Variants in SENP5 observed in about 807,000 individuals in gnomAD.
The protein encoded by SENP5 is SUMO specific peptidase 5.
Under a neutral mutation model 74.2 loss-of-function variants are expected in SENP5, and 21 were observed. The ratio of observed to expected loss-of-function variants is 0.28; its 90% CI spans 0.20 to 0.41. SENP5 has a LOEUF of 0.41. Ranked by LOEUF, SENP5 falls within the 10% of genes least tolerant of loss-of-function variation. The probability of loss-of-function intolerance (pLI) is 1.00; values close to 1 mark genes in which losing one functional copy is unlikely to be tolerated. For synonymous variants in SENP5, 311 were observed against 312.7 expected, an observed-to-expected ratio of 0.99 and a Z score of 0.06; for missense variants, 717 against 889.1, an observed-to-expected ratio of 0.81 and a Z score of 2.46.
At position 196,886,518 on chromosome 3, in the gene SENP5, G is replaced by C; in HGVS notation, c.1337G>C (p.Gly446Ala). Residue 446 changes from glycine to alanine, a missense_variant, in exon 2 of 10, where the codon GGA becomes GCA. Physicochemically the swap from Gly to Ala is moderately conservative, Grantham distance 60. Around this residue, in one of 4 missense-constraint regions of SENP5, gnomAD observed 567 missense variants for 577.4 expected, o/e 0.98. Coordinates refer to ENST00000323460, the MANE Select transcript of SENP5 (RefSeq NM_152699.5). Reference sequence around the variant, plus strand: ...AACTCATACCAGATGGAGGAGGATGGATCTCTCAAGCAGAGCATTCTTAGT... The same window carrying C: ...AACTCATACCAGATGGAGGAGGATGCATCTCTCAAGCAGAGCATTCTTAGT... Reference protein sequence around the residue: ...NENSYQMEEDGSLKQSILSSE... With the variant: ...NENSYQMEEDASLKQSILSSE... 1 of 1,613,520 alleles carries C rather than the reference G, an allele frequency of 6.2e-7. No homozygotes were observed. The highest frequency in any genetic ancestry group is 8.5e-7 in the Non-Finnish European group (1 of 1,179,820).
intron 4 of SENP5, 63 bp from the exon 5 acceptor site, chr3:196,900,302 G>A (rs1714644219): frequency 1.4e-6 from 2 of 1,465,970 alleles, no homozygotes; most frequent in South Asian, 2.5e-5. Context: ...TATTTATTTT[G>A]TTTTTCTTTC....
At chr3:196,884,115 G>C (rs1713843123) in intron 1 of SENP5, among the ~76,000 whole-genome samples, 1 of 152,196 alleles carries the variant, frequency 6.6e-6, no homozygotes, top group African/African-American at 2.4e-5. Flanking sequence ...TCATACAGCA[G>C]ATTTTTAAAA....
intron 1 of SENP5, among the ~76,000 whole-genome samples, chr3:196,868,396 C>T (rs750677329): frequency 6.6e-5 from 10 of 152,272 alleles, no homozygotes; most frequent in Non-Finnish European, 1.5e-4. Flanking sequence ...TCACAGGCCT[C>T]CAGCTCCGGC....
Position 196,927,908 on chromosome 3 carries a change from G to T in SENP5, c.2106+29G>T, listed in dbSNP as rs186127867. On this transcript the variant is annotated intron_variant, in intron 8 of 9. Transcript: ENST00000323460. ...AGTATGTGATAACAATGAAACCCAGGCATGTCCAGGGGATGGAATTATCTA... is the reference window on the plus strand; with the variant it reads ...AGTATGTGATAACAATGAAACCCAGTCATGTCCAGGGGATGGAATTATCTA... 2.6e-4 allele frequency: 359 copies of T among 1,395,086 alleles called. 3 individuals are homozygous for T. In the African/African-American group the frequency reaches 4.2e-3, roughly 17 times the overall value. 86.4% of individuals were successfully genotyped at this position (1,395,086 alleles called of 1,614,324 possible).
At position 196,885,607 on chromosome 3, in the gene SENP5, C is replaced by A. The variant is rs757117430; in HGVS notation, c.426C>A (p.Asp142Glu). The A allele has an allele frequency of 6.2e-7, 1 of 1,614,212 alleles. No homozygotes were observed. The highest frequency in any genetic ancestry group is 1.1e-5 in the South Asian group (1 of 91,084). The change falls in exon 2 of 10, where the codon GAC (aspartate) becomes GAA (glutamate). Residue 142 changes from aspartate (D) to glutamate (E), a missense_variant. Coordinates refer to ENST00000323460, the MANE Select transcript of SENP5 (RefSeq NM_152699.5). ...AAAATCTCTTGAAGGCAGTTACTGA[C>A]TTTCCATCAAATAGTGCTTTAGGTC... Reference protein sequence around the residue: ...REKNLLKAVTDFPSNSALGQA... With the variant: ...REKNLLKAVTEFPSNSALGQA...
At chr3:196,880,959 T>A (rs1713702122) in intron 1 of SENP5, among the ~76,000 whole-genome samples, 1 of 151,930 alleles carries the variant, frequency 6.6e-6, no homozygotes, top group African/African-American at 2.4e-5. Context: ...TTTTTATTTT[T>A]TTTTTGAGAT....
At chr3:196,900,746 TGGC>T (rs1714666132) in intron 5 of SENP5, among the ~76,000 whole-genome samples, 2 of 151,918 alleles carry the variant, frequency 1.3e-5, no homozygotes, top group Non-Finnish European at 2.9e-5. Context: ...CCACCATGCC[TGGC>T]TAATTTTTGT....
chr3:196,882,317 C>T (rs1713762293), intron 1 of SENP5, among the ~76,000 whole-genome samples: 1 of 152,084 alleles, frequency 6.6e-6, no homozygotes, highest in African/African-American at 2.4e-5. Flanking sequence ...CAACCATCAC[C>T]ACCATTCATC....
chr3:196,896,336 C>A (rs1402907380), intron 2 of SENP5, among the ~76,000 whole-genome samples: 2 of 152,120 alleles, frequency 1.3e-5, no homozygotes, highest in Admixed American at 6.5e-5. Context: ...AGTTAACAGC[C>A]CAGTTTCTGT....
Position 196,880,254 on chromosome 3 carries a change from G to GT in SENP5, c.-31-4890dup, listed in dbSNP as rs200961736. On this transcript the variant is annotated intron_variant, in intron 1 of 9. Coordinates refer to ENST00000323460, the MANE Select transcript of SENP5 (RefSeq NM_152699.5). ...AGCCACTGTGCCCAACCTTACTTCA[G>GT]TTTTTTTAAGGAGACAGAGTCTTGC... 1.3e-4 allele frequency among the ~76,000 whole-genome samples: 19 copies of GT among 151,916 alleles called. No individual in the cohort carries two copies. The East Asian group carries it at 3.1e-3, about 25-fold the overall frequency.
intron 5 of SENP5, among the ~76,000 whole-genome samples, chr3:196,903,290 C>G (rs527738604): frequency 2.6e-5 from 4 of 152,112 alleles, no homozygotes; most frequent in Non-Finnish European, 5.9e-5. Flanking sequence ...CAGATGGGTG[C>G]CACCACGCCC....
At chr3:196,915,943 C>G (rs981674208) in intron 6 of SENP5, among the ~76,000 whole-genome samples, 3 of 152,096 alleles carry the variant, frequency 2.0e-5, no homozygotes, top group African/African-American at 7.2e-5. Context: ...TCAAGAAGGA[C>G]AGATAAAAAC....
intron 6 of SENP5, among the ~76,000 whole-genome samples, chr3:196,910,828 C>T (rs1236941466): frequency 6.6e-6 from 1 of 152,136 alleles, no homozygotes. Flanking sequence ...AACTATACTA[C>T]AAGGCTACAG....
rs150086635 is a variant in SENP5 at position 196,900,567 on chromosome 3, G to A, written c.1806+155G>A. Among the ~76,000 whole-genome samples, 30 of 152,148 alleles carry A rather than the reference G, an allele frequency of 2.0e-4. No homozygotes were observed. The East Asian group carries it at 5.0e-3, about 25-fold the overall frequency. On this transcript the variant is annotated intron_variant, in intron 5 of 9. Coordinates refer to ENST00000323460, the MANE Select transcript of SENP5 (RefSeq NM_152699.5). ...TCTTGATCATGTACTGGGCTTGATC[G>A]TAAGTTCCATCAAATCACTTCTTTT...
At chr3:196,891,614 A>G (rs1239108227) in intron 2 of SENP5, among the ~76,000 whole-genome samples, 1 of 152,196 alleles carries the variant, frequency 6.6e-6, no homozygotes, top group Non-Finnish European at 1.5e-5. Flanking sequence ...GGATGTATAT[A>G]GATTTAGCGA....
intron 2 of SENP5, among the ~76,000 whole-genome samples, chr3:196,889,986 C>T (rs1415708890): frequency 1.3e-5 from 2 of 152,206 alleles, no homozygotes; most frequent in Admixed American, 1.3e-4. Context: ...GGACAAGAGA[C>T]AGGATACTCA....
intron 1 of SENP5, among the ~76,000 whole-genome samples, chr3:196,875,966 C>CAT (rs1308051592): frequency 2.6e-5 from 4 of 152,162 alleles, no homozygotes; most frequent in African/African-American, 9.7e-5. Flanking sequence ...TCAAGCGATA[C>CAT]TCCACCTCTG....
intron 5 of SENP5, among the ~76,000 whole-genome samples, chr3:196,902,866 T>C (rs1714754479): frequency 6.6e-6 from 1 of 152,190 alleles, no homozygotes; most frequent in Admixed American, 6.5e-5. Context: ...AGTCTCTAAA[T>C]CCACATCCTT....
intron 2 of SENP5, among the ~76,000 whole-genome samples, chr3:196,889,845 A>G (rs986799838): frequency 6.6e-6 from 1 of 152,202 alleles, no homozygotes. Flanking sequence ...CTGAGTGCTC[A>G]TATTTCTGGA....
Sources: allele counts gnomAD v4.1 joint callset (sites outside exome capture counted in the v4.1 genomes callset), GRCh38; gene constraint gnomAD v4.1.1; regional missense constraint gnomAD v4.1.1; transcripts MANE v1.5; gene names NCBI Gene and HGNC (gene_info 2026-07-23, HGNC 2026-07-21).